EXOC6B: variants seen among roughly 807,000 people sequenced by gnomAD.
EXOC6B encodes the protein exocyst complex component 6B.
In EXOC6B, 54 loss-of-function variants were observed where a neutral mutation model predicts 113.5. That is an observed-to-expected ratio of 0.48 (90% CI 0.38 to 0.60). EXOC6B has a LOEUF of 0.60. Ranked by LOEUF, EXOC6B falls within the 20% of genes least tolerant of loss-of-function variation. The pLI, the probability that EXOC6B is intolerant of heterozygous loss-of-function variation, is 0.00. For missense variants in EXOC6B, 797 were observed against 977.5 expected (o/e 0.82, Z 2.46); for synonymous variants, 357 against 339.0 (o/e 1.05, Z -0.58).
At chr2:72,281,295 C>T (rs1328332588) in intron 20 of EXOC6B, among the ~76,000 whole-genome samples, 2 of 152,090 alleles carry the variant, frequency 1.3e-5, no homozygotes, top group Non-Finnish European at 2.9e-5. Flanking sequence ...AGGGCCACTA[C>T]AATTTTTCAT....
At chr2:72,562,806 A>C (rs1703960678) in intron 7 of EXOC6B, among the ~76,000 whole-genome samples, 1 of 152,182 alleles carries the variant, frequency 6.6e-6, no homozygotes, top group Non-Finnish European at 1.5e-5. Flanking sequence ...CAGGAACTCA[A>C]GACTTTAAGA....
intron 10 of EXOC6B, among the ~76,000 whole-genome samples, chr2:72,513,836 C>T (rs1260078418): frequency 1.3e-5 from 2 of 151,918 alleles, no homozygotes; most frequent in Non-Finnish European, 2.9e-5. Context: ...ATGTAGCCTG[C>T]ATTGTCTTGC....
intron 18 of EXOC6B, among the ~76,000 whole-genome samples, chr2:72,387,172 T>G (rs1261951011): frequency 6.6e-6 from 1 of 152,200 alleles, no homozygotes; most frequent in African/African-American, 2.4e-5. Flanking sequence ...GTTATATAAC[T>G]TATACAATAC....
intron 1 of EXOC6B, among the ~76,000 whole-genome samples, chr2:72,805,403 C>T (rs960804586): frequency 6.6e-6 from 1 of 152,134 alleles, no homozygotes; most frequent in Non-Finnish European, 1.5e-5. Context: ...GTTTTCCCAG[C>T]TTTATACACT....
In EXOC6B at chr2:72,743,698, G is replaced by A. The variant is rs564332236; in HGVS notation, c.114-2229C>T. 1.2e-3 allele frequency among the ~76,000 whole-genome samples: 184 copies of A among 152,288 alleles called. 1 individual carries two copies. Among genetic ancestry groups the A allele is most frequent in the Admixed American group, 2.0e-3 (30 of 15,294 alleles). Reference sequence around the variant, plus strand: ...AGTAGACAATAAGTAAACATTCACTGAGTAAAGAATGACTAACACTATCTC... The same window carrying A: ...AGTAGACAATAAGTAAACATTCACTAAGTAAAGAATGACTAACACTATCTC... On this transcript the variant is annotated intron_variant, in intron 1 of 21. Transcript: ENST00000272427.
At chr2:72,581,583 T>C (rs2103865820) in intron 6 of EXOC6B, among the ~76,000 whole-genome samples, 1 of 152,274 alleles carries the variant, frequency 6.6e-6, no homozygotes, top group East Asian at 1.9e-4. Flanking sequence ...CACTATACCA[T>C]CTTTAAAGTT....
intron 17 of EXOC6B, among the ~76,000 whole-genome samples, chr2:72,473,975 T>C (rs1200224715): frequency 6.6e-6 from 1 of 152,126 alleles, no homozygotes; most frequent in Non-Finnish European, 1.5e-5. Context: ...AGCTTTTGCT[T>C]GTATGAGAAA....
chr2:72,816,083 C>T (rs1158459998), intron 1 of EXOC6B, among the ~76,000 whole-genome samples: 2 of 152,092 alleles, frequency 1.3e-5, no homozygotes, highest in African/African-American at 4.8e-5. Flanking sequence ...CGCTTGAGCC[C>T]GGGAGGCGGA....
intron 8 of EXOC6B, among the ~76,000 whole-genome samples, chr2:72,555,303 T>C (rs1703477889): frequency 6.6e-6 from 1 of 152,232 alleles, no homozygotes; most frequent in African/African-American, 2.4e-5. Flanking sequence ...ATGGTATTTC[T>C]AGTTCTAGAT....
intron 20 of EXOC6B, among the ~76,000 whole-genome samples, chr2:72,223,434 T>C (rs899841247): frequency 9.2e-5 from 14 of 152,174 alleles, no homozygotes; most frequent in Admixed American, 2.0e-4. Flanking sequence ...GAATAGTAGA[T>C]TGCAAACAGA....
At chr2:72,763,503 C>T (rs546994998) in intron 1 of EXOC6B, among the ~76,000 whole-genome samples, 2 of 151,628 alleles carry the variant, frequency 1.3e-5, no homozygotes, top group East Asian at 3.9e-4. Context: ...TCTTGGCTCA[C>T]TGCACACCTC....
intron 6 of EXOC6B, among the ~76,000 whole-genome samples, chr2:72,618,145 G>T (rs1671518766): frequency 6.6e-6 from 1 of 152,050 alleles, no homozygotes; most frequent in South Asian, 2.1e-4. Flanking sequence ...GAGGGGGGTG[G>T]ATCACCTGAG....
intron 18 of EXOC6B, among the ~76,000 whole-genome samples, chr2:72,417,738 T>C (rs1353127206): frequency 3.9e-5 from 6 of 152,184 alleles, no homozygotes; most frequent in Non-Finnish European, 5.9e-5. Context: ...TTGTACATTT[T>C]TATGGTATGA....
At chr2:72,223,685 T>TTTTG (rs3029112) in intron 20 of EXOC6B, among the ~76,000 whole-genome samples, 32,035 of 151,346 alleles carry the variant, frequency 0.21, 5,901 homozygotes, top group African/African-American at 0.51. Flanking sequence ...AAGGCCTGTT[T>TTTTG]TTTGTTTGTT....
At chr2:72,615,745 G>A (rs1671348216) in intron 6 of EXOC6B, among the ~76,000 whole-genome samples, 1 of 152,014 alleles carries the variant, frequency 6.6e-6, no homozygotes, top group Admixed American at 6.6e-5. Context: ...TTAGAGTATA[G>A]TCCTACTTAT....
intron 20 of EXOC6B, among the ~76,000 whole-genome samples, chr2:72,201,801 C>A (rs1679510355): frequency 6.6e-6 from 1 of 152,128 alleles, no homozygotes; most frequent in South Asian, 2.1e-4. Flanking sequence ...GCTCTGCTTC[C>A]ATAGTTATTG....
chr2:72,808,110 A>C (rs938161535), intron 1 of EXOC6B, among the ~76,000 whole-genome samples: 3 of 152,196 alleles, frequency 2.0e-5, no homozygotes, highest in Non-Finnish European at 4.4e-5. Context: ...TTCTCTAACC[A>C]GAAAAGAAAT....
intron 1 of EXOC6B, among the ~76,000 whole-genome samples, chr2:72,798,458 T>C (rs1685098438): frequency 6.6e-6 from 1 of 152,144 alleles, no homozygotes; most frequent in Admixed American, 6.6e-5. Flanking sequence ...GCGAGACATT[T>C]TTAATACTAA....
chr2:72,717,402 T>C (rs1558944978), intron 6 of EXOC6B, among the ~76,000 whole-genome samples: 1 of 152,212 alleles, frequency 6.6e-6, no homozygotes, highest in Non-Finnish European at 1.5e-5. Flanking sequence ...TATTTGTTGC[T>C]GTAGGCTACA....
Sources: gnomAD v4.1 joint callset for allele counts (sites outside exome capture counted in the v4.1 genomes callset) on GRCh38, gnomAD v4.1.1 for gene constraint, MANE v1.5 for transcripts, NCBI Gene and HGNC (gene_info 2026-07-23, HGNC 2026-07-21) for gene names.